Variants in INPP5A observed in about 807,000 individuals in gnomAD.
The protein encoded by INPP5A is inositol polyphosphate-5-phosphatase A.
In INPP5A, 14 loss-of-function variants were observed where a neutral mutation model predicts 65.2. That is an observed-to-expected ratio of 0.21 (90% CI 0.14 to 0.34). The LOEUF (loss-of-function observed/expected upper bound fraction) is 0.34, where lower values mean the gene tolerates loss of function less well. INPP5A is among the 10% of genes least tolerant of loss of function. The probability of loss-of-function intolerance (pLI) is 1.00; values close to 1 mark genes in which losing one functional copy is unlikely to be tolerated. For synonymous variants in INPP5A, 207 were observed against 208.3 expected (o/e 0.99, Z 0.05); for missense variants, 431 against 545.6 (o/e 0.79, Z 2.09).
rs1346237753 is a variant in INPP5A, at chr10:132,676,172, ATATT to A, written c.307-14215_307-14212del. Among the ~76,000 whole-genome samples the A allele has an allele frequency of 1.6e-4, 24 of 152,354 alleles. No homozygotes were observed. The East Asian group carries it at 4.4e-3, about 28-fold the overall frequency. On this transcript the variant is annotated intron_variant, in intron 4 of 15. Transcript: ENST00000368594. This position sits in a 1 kb window ranked among gnomAD's most constrained non-coding sequence, Gnocchi z 4.0. ...ATTATTGAAATTTTCAATTTGTGAA[ATATT>A]TATTATTCAAAAAATAGCATCTGCG...
rs2072902312 is a variant in INPP5A, at chr10:132,672,393, G to T, written c.307-17999G>T. Reference sequence around the variant, plus strand: ...CTCATCTTGAATTCCCACATGTTATGGGAGGGACCCTGCGGGAGGCAAGGG... The same window carrying T: ...CTCATCTTGAATTCCCACATGTTATTGGAGGGACCCTGCGGGAGGCAAGGG... On this transcript the variant is annotated intron_variant, in intron 4 of 15. Transcript: ENST00000368594. 2.6e-5 allele frequency among the ~76,000 whole-genome samples: 4 copies of T among 152,196 alleles called. No homozygotes were observed. The South Asian group carries it at 8.3e-4, about 32-fold the overall frequency.
At chr10:132,655,375 C>T (rs555252634) in intron 4 of INPP5A, among the ~76,000 whole-genome samples, 81 of 152,230 alleles carry the variant, frequency 5.3e-4, no homozygotes, top group Non-Finnish European at 1.1e-3. Context: ...GCGGTGCATC[C>T]TCCCACACAG....
intron 1 of INPP5A, among the ~76,000 whole-genome samples, chr10:132,601,770 A>G (rs2071779861): frequency 6.6e-6 from 1 of 152,232 alleles, no homozygotes; most frequent in Non-Finnish European, 1.5e-5. Flanking sequence ...TGGTCTTGGC[A>G]CCACTGTCAA....
At chr10:132,655,050 C>A (rs1018074793) in intron 4 of INPP5A, among the ~76,000 whole-genome samples, 6 of 152,350 alleles carry the variant, frequency 3.9e-5, no homozygotes, top group Admixed American at 3.9e-4. Context: ...GGACATGCAC[C>A]GACTCCGCCA....
intron 2 of INPP5A, among the ~76,000 whole-genome samples, chr10:132,610,529 C>T (rs1412270854): frequency 6.6e-6 from 1 of 152,234 alleles, no homozygotes; most frequent in Non-Finnish European, 1.5e-5. Flanking sequence ...TGCAAAAAAC[C>T]CAGAGGGCCT....
At chr10:132,778,302 ATTTTTTTTTTTTTTTTT>A (rs57172206) in intron 13 of INPP5A, among the ~76,000 whole-genome samples, 1 of 72,960 alleles carries the variant, frequency 1.4e-5, no homozygotes, top group African/African-American at 7.9e-5. Context: ...TTTAATAATA[ATTTTTTTTTTTTTTTTT>A]TTTTTTTTTT....
rs1322226312 is a variant in INPP5A, at chr10:132,549,562, C to T, written c.75+11391C>T. 6.6e-6 allele frequency among the ~76,000 whole-genome samples: 1 copy of T among 152,236 alleles called. No individual in the cohort carries two copies. The highest frequency in any genetic ancestry group is 1.5e-5 in the Non-Finnish European group (1 of 68,044). ...CCCTCTGCCCACCCCTCCAGGAGGG[C>T]CTGTGGGATGCGAGGCCTCTGCTAC... On this transcript the variant is annotated intron_variant, in intron 1 of 15. Coordinates refer to ENST00000368594, the MANE Select transcript of INPP5A (RefSeq NM_005539.5). The surrounding 1 kb of genome is among the most constrained non-coding windows in gnomAD (Gnocchi z 4.9).
rs368352645 is a variant in INPP5A, at chr10:132,594,412, A to G, written c.76-13503A>G. On this transcript the variant is annotated intron_variant, in intron 1 of 15. Coordinates refer to ENST00000368594, the MANE Select transcript of INPP5A (RefSeq NM_005539.5). ...CCTGCGTCGGTGGAAACATTCCGTC[A>G]TCTACACCGGCCAGTCCTGTAGCAA... 3.3e-4 allele frequency among the ~76,000 whole-genome samples: 51 copies of G among 152,344 alleles called. No individual in the cohort carries two copies. The South Asian group carries it at 7.7e-3, about 23-fold the overall frequency.
chr10:132,590,850 C>T lies in INPP5A; in HGVS notation c.76-17065C>T, dbSNP rs555953254. Reference sequence around the variant, plus strand: ...CGTGTGGGTCACTGTGGTCATTGCTCGCTCCGTGGTTAGCTGTGTCCTGTC... The same window carrying T: ...CGTGTGGGTCACTGTGGTCATTGCTTGCTCCGTGGTTAGCTGTGTCCTGTC... On this transcript the variant is annotated intron_variant, in intron 1 of 15. Transcript: ENST00000368594. Among the ~76,000 whole-genome samples the T allele has an allele frequency of 3.4e-4, 52 of 152,212 alleles. No homozygotes were observed. In the South Asian group the frequency reaches 8.9e-3, roughly 26 times the overall value.
intron 1 of INPP5A, among the ~76,000 whole-genome samples, chr10:132,586,875 C>T (rs967964523): frequency 3.9e-5 from 6 of 152,200 alleles, no homozygotes; most frequent in Non-Finnish European, 5.9e-5. Context: ...CAGAAGGCGG[C>T]GCAGCGCGGC....
chr10:132,667,301 AAGAG>A (rs1184705521), intron 4 of INPP5A, among the ~76,000 whole-genome samples: 1 of 152,228 alleles, frequency 6.6e-6, no homozygotes. Flanking sequence ...GGGGCTTCAA[AAGAG>A]AGAGAACAAA....
intron 4 of INPP5A, among the ~76,000 whole-genome samples, chr10:132,677,533 C>T (rs866740700): frequency 1.3e-5 from 2 of 152,228 alleles, no homozygotes; most frequent in Admixed American, 6.5e-5. Context: ...TGGTAGCAGG[C>T]GAGAAGCCAG....
rs2070860402 is a variant in INPP5A, at chr10:132,537,980, GCCGCCCCCCGGCGC to G, written c.-116_-103del. On this transcript the variant is annotated 5_prime_UTR_variant, in exon 1 of 16. The change abolishes the stop of an existing upstream ORF in the 5' untranslated region. Coordinates refer to ENST00000368594, the MANE Select transcript of INPP5A (RefSeq NM_005539.5). Reference sequence around the variant, plus strand: ...CGCCGAGCCCGCGATGCGCCCCGGGGCCGCCCCCCGGCGCAGCTGACGCCCCGCGGCCCCGCGAA... The same window carrying G: ...CGCCGAGCCCGCGATGCGCCCCGGGGAGCTGACGCCCCGCGGCCCCGCGAA... 1 of 270,062 alleles carries G rather than the reference GCCGCCCCCCGGCGC, an allele frequency of 3.7e-6. No homozygotes were observed. Among genetic ancestry groups the G allele is most frequent in the African/African-American group, 2.3e-5 (1 of 42,898 alleles). The allele number at this position is 270,062 out of a possible 1,614,324, so 16.7% of individuals were successfully genotyped here. A position where few individuals can be genotyped will look rare whatever the true frequency, so the allele number is the denominator to read the frequency against.
intron 4 of INPP5A, among the ~76,000 whole-genome samples, chr10:132,670,960 T>G (rs2133436769): frequency 6.6e-6 from 1 of 152,068 alleles, no homozygotes; most frequent in South Asian, 2.1e-4. Context: ...TCACTTTTCC[T>G]TGGTCTTTGT....
At chr10:132,742,477 C>T (rs752566027) in intron 9 of INPP5A, among the ~76,000 whole-genome samples, 1 of 152,172 alleles carries the variant, frequency 6.6e-6, no homozygotes, top group Non-Finnish European at 1.5e-5. Context: ...CAGCTTCACT[C>T]GCTGGCCGTT....
At chr10:132,737,820 T>C (rs760995605) in intron 9 of INPP5A, among the ~76,000 whole-genome samples, 1 of 152,274 alleles carries the variant, frequency 6.6e-6, no homozygotes, top group Non-Finnish European at 1.5e-5. Context: ...AAAGAGATTT[T>C]ATTTGGTCTG....
chr10:132,731,332 C>T (rs566698597), intron 9 of INPP5A, among the ~76,000 whole-genome samples: 100 of 152,144 alleles, frequency 6.6e-4, no homozygotes, highest in South Asian at 3.1e-3. Context: ...GGAGTGACTG[C>T]GTGCCTCCTG....
chr10:132,698,605 C>G lies in INPP5A; in HGVS notation c.474+686C>G, dbSNP rs1480094347. On this transcript the variant is annotated intron_variant, in intron 6 of 15. Transcript: ENST00000368594. This position sits in a 1 kb window ranked among gnomAD's most constrained non-coding sequence, Gnocchi z 5.5. ...GGCGTCTCCCTGGCTGTGTAGTTAA[C>G]CTGTCGAGGCAGCGTTTGCTGCTTT... Among the ~76,000 whole-genome samples, 2 of 152,230 alleles carry G rather than the reference C, an allele frequency of 1.3e-5. No homozygotes were observed. The highest frequency in any genetic ancestry group is 2.9e-5 in the Non-Finnish European group (2 of 68,048).
intron 5 of INPP5A, among the ~76,000 whole-genome samples, chr10:132,693,506 C>T (rs563473823): frequency 6.6e-6 from 1 of 152,126 alleles, no homozygotes; most frequent in South Asian, 2.1e-4. Context: ...CAAAGGAAAA[C>T]TTAAATGGGC....
Sources: allele counts gnomAD v4.1 joint callset (sites outside exome capture counted in the v4.1 genomes callset), GRCh38; gene constraint gnomAD v4.1.1; non-coding constraint Gnocchi (gnomAD v3.1); transcripts MANE v1.5; gene names NCBI Gene and HGNC (gene_info 2026-07-23, HGNC 2026-07-21).